The following IRGM variants were observed in gnomAD, a reference collection of about 807,000 sequenced individuals.
IRGM encodes the protein immunity related GTPase M, also known as immunity-related GTPase family M protein.
For synonymous variants in IRGM, 98 were observed against 80.6 expected (o/e 1.22, Z -1.16); for missense variants, 288 against 219.9 (o/e 1.31, Z -1.96).
At chr5:150,895,905 G>C (rs773366649) in intron 3 of IRGM, 3 of 1,613,538 alleles carry the variant, frequency 1.9e-6, no homozygotes, top group Admixed American at 1.7e-5. Context: ...CCTGCTGAAG[G>C]CTTCCTCACA....
chr5:150,869,967 A>T (rs577094726), intron 1 of IRGM, among the ~76,000 whole-genome samples: 18 of 152,280 alleles, frequency 1.2e-4, no homozygotes, highest in African/African-American at 4.1e-4. Context: ...AGAGGGATTT[A>T]AAAAATAACA....
intron 1 of IRGM, among the ~76,000 whole-genome samples, chr5:150,871,075 A>G (rs1754276547): frequency 6.6e-6 from 1 of 152,134 alleles, no homozygotes; most frequent in Non-Finnish European, 1.5e-5. Context: ...AAGGGGCTTT[A>G]TTTACATACA....
intron 3 of IRGM, among the ~76,000 whole-genome samples, chr5:150,881,815 C>T (rs922738750): frequency 5.3e-5 from 8 of 152,050 alleles, no homozygotes; most frequent in African/African-American, 9.7e-5. Flanking sequence ...ATAGCATAAT[C>T]GGTGTAAGAT....
chr5:150,852,745 G>A (rs1049686298), downstream of IRGM, among the ~76,000 whole-genome samples: 1 of 151,988 alleles, frequency 6.6e-6, no homozygotes, highest in Non-Finnish European at 1.5e-5. Context: ...CAACAAGAAT[G>A]TACCCTTTTT....
At chr5:150,855,002 T>C (rs2113256001) in intron 1 of IRGM, among the ~76,000 whole-genome samples, 1 of 152,304 alleles carries the variant, frequency 6.6e-6, no homozygotes, top group East Asian at 1.9e-4. Flanking sequence ...TCTGACTGTT[T>C]TTCAGAGTTT....
intron 1 of IRGM, among the ~76,000 whole-genome samples, chr5:150,869,729 CT>C (rs534914825): frequency 3.3e-5 from 5 of 152,008 alleles, no homozygotes; most frequent in Non-Finnish European, 7.4e-5. Context: ...AATAACTTCT[CT>C]TTTTATTTTT....
chr5:150,875,795 T>C (rs912942014), intron 1 of IRGM, among the ~76,000 whole-genome samples: 1 of 152,178 alleles, frequency 6.6e-6, no homozygotes, highest in Non-Finnish European at 1.5e-5. Context: ...ACGGAGCCCT[T>C]GATATGGCAC....
chr5:150,877,357 C>T (rs142576316), intron 1 of IRGM, among the ~76,000 whole-genome samples: 13 of 152,252 alleles, frequency 8.5e-5, no homozygotes, highest in African/African-American at 3.1e-4. Context: ...GGCAGAAGAA[C>T]GTGGGAAGAC....
intron 1 of IRGM, 188 bp from the exon 2 acceptor site, chr5:150,847,521 G>C (rs973716611): frequency 3.3e-5 from 5 of 152,882 alleles, no homozygotes; most frequent in Non-Finnish European, 7.3e-5. Flanking sequence ...CGGCCTCAGG[G>C]CGTTCCTCAG....
intron 3 of IRGM, among the ~76,000 whole-genome samples, chr5:150,898,874 G>A (rs1754892877): frequency 6.6e-6 from 1 of 151,878 alleles, no homozygotes; most frequent in Non-Finnish European, 1.5e-5. Context: ...AAATATTATG[G>A]GTTGAGTTGT....
chr5:150,897,045 T>C (rs1754817470), intron 3 of IRGM: 2 of 1,221,272 alleles, frequency 1.6e-6, no homozygotes, highest in Non-Finnish European at 1.1e-6. Context: ...GTAGAACAAA[T>C]GGATGATCCA....
At chr5:150,885,351 T>A (rs1481364995) in intron 3 of IRGM, among the ~76,000 whole-genome samples, 1 of 149,548 alleles carries the variant, frequency 6.7e-6, no homozygotes, top group Admixed American at 6.7e-5. Flanking sequence ...GGTAACATAA[T>A]GCCTCCAGCT....
intron 3 of IRGM, chr5:150,895,633 G>C: frequency 6.2e-7 from 1 of 1,613,232 alleles, no homozygotes; most frequent in Non-Finnish European, 8.5e-7. Context: ...TGTCCCGGAA[G>C]GTGGGACTTC....
In IRGM at chr5:150,848,345, A is replaced by G; in HGVS notation, c.222A>G (p.Arg74=). ...CTGAGCTGGTAAAAGCTACCCAAAG[A>G]TGTGCCTCCTATTTCTCTTCCCACT... is the stretch of plus-strand genomic sequence containing the variant. ...PPTELVKATQ[R]CASYFSSHFS... Residue 74 remains arginine, a synonymous_variant, in exon 2 of 2, where the codon AGA becomes AGG. Transcript: ENST00000522154. 3 of 1,551,816 alleles carry G rather than the reference A, an allele frequency of 1.9e-6. No homozygotes were observed. Among genetic ancestry groups the G allele is most frequent in the Non-Finnish European group, 2.6e-6 (3 of 1,146,982 alleles).
chr5:150,847,678 T>G (rs577626947), intron 1 of IRGM, 31 bp from the exon 2 acceptor site: 34 of 171,908 alleles, frequency 2.0e-4, no homozygotes, highest in Non-Finnish European at 3.2e-4. Context: ...ACCCTGTCCA[T>G]CCTAACTCAC....
intron 1 of IRGM, among the ~76,000 whole-genome samples, chr5:150,877,553 C>G (rs906850451): frequency 1.3e-5 from 2 of 152,090 alleles, no homozygotes; most frequent in Non-Finnish European, 2.9e-5. Context: ...AATGAACTCC[C>G]CTTTATATAT....
intron 1 of IRGM, among the ~76,000 whole-genome samples, chr5:150,864,564 C>T (rs889321681): frequency 1.3e-5 from 2 of 152,174 alleles, no homozygotes; most frequent in African/African-American, 4.8e-5. Flanking sequence ...TGCTTTCTTC[C>T]TTCACTATCA....
chr5:150,886,417 A>G (rs1754523405), intron 3 of IRGM, among the ~76,000 whole-genome samples: 1 of 152,032 alleles, frequency 6.6e-6, no homozygotes, highest in South Asian at 2.1e-4. Context: ...TTTTTATAGA[A>G]TGAATTGGGG....
At chr5:150,898,282 C>T (rs1754869295) in intron 3 of IRGM, 19 of 1,588,690 alleles carry the variant, frequency 1.2e-5, no homozygotes, top group East Asian at 2.2e-5. Context: ...GTCCAGTTAG[C>T]CCTCAACAAA....
Sources: allele counts gnomAD v4.1 joint callset (sites outside exome capture counted in the v4.1 genomes callset), GRCh38; gene constraint gnomAD v4.1.1; transcripts MANE v1.5; gene names NCBI Gene and HGNC (gene_info 2026-07-23, HGNC 2026-07-21).